Variants in DLG5 observed in about 807,000 individuals in gnomAD.
DLG5 encodes the protein disks large homolog 5.
Under a neutral mutation model 189.8 loss-of-function variants are expected in DLG5, and 48 were observed. The ratio of observed to expected loss-of-function variants is 0.25; its 90% CI spans 0.20 to 0.32. DLG5 has a LOEUF of 0.32. Ranked by LOEUF, DLG5 falls within the 10% of genes least tolerant of loss-of-function variation. DLG5 has a pLI of 1.00. For synonymous variants in DLG5, 1,016 were observed against 1,054.1 expected, an observed-to-expected ratio of 0.96 and a Z score of 0.70; for missense variants, 2,160 against 2,544.7, an observed-to-expected ratio of 0.85 and a Z score of 3.25.
At chr10:77,806,434 T>C (rs1841475423) in intron 26 of DLG5, among the ~76,000 whole-genome samples, 1 of 152,132 alleles carries the variant, frequency 6.6e-6, no homozygotes, top group African/African-American at 2.4e-5. Context: ...TAGTGGCGGC[T>C]GCACACACCT....
At chr10:77,896,712 G>A (rs981980930) in intron 1 of DLG5, among the ~76,000 whole-genome samples, 1 of 151,840 alleles carries the variant, frequency 6.6e-6, no homozygotes, top group Non-Finnish European at 1.5e-5. Context: ...GCATGGTGAC[G>A]AGAGGCTGAG....
rs1014885474 is a variant in DLG5 at position 77,853,216 on chromosome 10, C to T, written c.864+138G>A. ...CAGGCTCATCTCAAGCAATCTCTCA[C>T]CTTGGTCTTCCAAAGCGCTGGGATC... is the stretch of plus-strand genomic sequence containing the variant. On this transcript the variant is annotated intron_variant, in intron 5 of 31. Transcript: ENST00000372391. 7.0e-6 allele frequency: 5 copies of T among 718,198 alleles called. 1 individual carries two copies. Among genetic ancestry groups the T allele is most frequent in the Non-Finnish European group, 9.9e-6 (5 of 506,402 alleles). 44.5% of individuals were successfully genotyped at this position (718,198 alleles called of 1,614,324 possible). A position where few individuals can be genotyped will look rare whatever the true frequency, so the allele number is the denominator to read the frequency against.
At chr10:77,908,363 C>T (rs990824982) in intron 1 of DLG5, among the ~76,000 whole-genome samples, 1 of 152,124 alleles carries the variant, frequency 6.6e-6, no homozygotes, top group Non-Finnish European at 1.5e-5. Flanking sequence ...CTGCGGCCAC[C>T]GGGTCCTCCT....
At chr10:77,840,097 G>C (rs994815052) in intron 7 of DLG5, among the ~76,000 whole-genome samples, 2 of 152,238 alleles carry the variant, frequency 1.3e-5, no homozygotes, top group East Asian at 3.8e-4. Context: ...ACTAAGGCTG[G>C]CTGGGTGCAG....
chr10:77,928,678 A>C (rs1846758312), upstream of DLG5: 1 of 152,198 alleles, frequency 6.6e-6, no homozygotes, highest in Non-Finnish European at 1.5e-5. Flanking sequence ...GGAAGGTGAA[A>C]GTGGAGGAAG....
chr10:77,939,419 T>C, the DLG5 span, among the ~76,000 whole-genome samples: 2 of 152,198 alleles, frequency 1.3e-5, no homozygotes, highest in South Asian at 4.1e-4. Flanking sequence ...AGCTTGGGAA[T>C]TCTGGTGTGG....
intron 29 of DLG5, 111 bp from the exon 30 acceptor site, chr10:77,795,069 G>A: frequency 2.6e-6 from 2 of 774,166 alleles, no homozygotes; most frequent in South Asian, 3.4e-5. Context: ...CCACAAACAA[G>A]GCAGTAAAGC....
At chr10:77,822,257 C>A (rs1355118026) in intron 14 of DLG5, among the ~76,000 whole-genome samples, 156 bp from the exon 15 acceptor site, 1 of 152,198 alleles carries the variant, frequency 6.6e-6, no homozygotes, top group Non-Finnish European at 1.5e-5. Flanking sequence ...CACACATGAA[C>A]ACATATGCTT....
chr10:77,815,997 C>G (rs975362611), intron 20 of DLG5: 10 of 406,484 alleles, frequency 2.5e-5, no homozygotes, highest in African/African-American at 1.9e-4. Context: ...CTAAAATGAA[C>G]CAGTACCAGT....
At chr10:77,909,748 G>T (rs1237896393) in intron 1 of DLG5, among the ~76,000 whole-genome samples, 1 of 152,108 alleles carries the variant, frequency 6.6e-6, no homozygotes, top group African/African-American at 2.4e-5. Context: ...CATGGGTTTA[G>T]CTCCGTTTTT....
chr10:77,835,605 G>C (rs1843088742), intron 8 of DLG5, 133 bp downstream of exon 8: 1 of 952,640 alleles, frequency 1.0e-6, no homozygotes. Flanking sequence ...CTAGGGGTGA[G>C]AAAGGAGGAG....
intron 1 of DLG5, among the ~76,000 whole-genome samples, chr10:77,878,971 G>T (rs1360538511): frequency 1.3e-5 from 2 of 152,230 alleles, no homozygotes; most frequent in Admixed American, 1.3e-4. Context: ...CTGGGTTAAT[G>T]CTGGGTGAAG....
chr10:77,906,256 C>G (rs1437453298), intron 1 of DLG5, among the ~76,000 whole-genome samples: 2 of 152,228 alleles, frequency 1.3e-5, no homozygotes, highest in East Asian at 1.9e-4. Context: ...CATCCCCACA[C>G]CCACTGCTGA....
chr10:77,813,405 C>T (rs918943118), intron 20 of DLG5, among the ~76,000 whole-genome samples: 12 of 152,130 alleles, frequency 7.9e-5, no homozygotes, highest in Non-Finnish European at 1.5e-4. Flanking sequence ...TGCCCCAGCC[C>T]TCTTGGGAAG....
At chr10:77,812,155 G>A (rs866733200) in intron 21 of DLG5, 60 bp downstream of exon 21, 1 of 1,597,276 alleles carries the variant, frequency 6.3e-7, no homozygotes, top group Non-Finnish European at 8.5e-7. Flanking sequence ...CTAGGAGGAG[G>A]AGAGGGGGAA....
At chr10:77,817,752 C>G in intron 18 of DLG5, 25 bp downstream of exon 18, 3 of 1,544,454 alleles carry the variant, frequency 1.9e-6, no homozygotes, top group Non-Finnish European at 2.6e-6. Flanking sequence ...CCCTCTGCAG[C>G]ACAAAGTCCA....
At chr10:77,885,454 G>C (rs373904533) in intron 1 of DLG5, among the ~76,000 whole-genome samples, 5 of 152,180 alleles carry the variant, frequency 3.3e-5, no homozygotes, top group African/African-American at 1.2e-4. Context: ...CTTGAGTAAC[G>C]AGGGAAAATA....
chr10:77,819,735 A>C, intron 16 of DLG5, 160 bp downstream of exon 16: 1 of 1,284,770 alleles, frequency 7.8e-7, no homozygotes, highest in Admixed American at 2.3e-5. Context: ...CATGGCTATA[A>C]GACAAACCAT....
chr10:77,940,180 C>T, the DLG5 span, among the ~76,000 whole-genome samples: 2 of 152,160 alleles, frequency 1.3e-5, no homozygotes, highest in East Asian at 3.9e-4. Flanking sequence ...TAGGATGTCC[C>T]GCTTCTAATA....
Sources: gnomAD v4.1 joint callset for allele counts (sites outside exome capture counted in the v4.1 genomes callset) on GRCh38, gnomAD v4.1.1 for gene constraint, MANE v1.5 for transcripts, NCBI Gene and HGNC (gene_info 2026-07-23, HGNC 2026-07-21) for gene names.